Variants in SMAD2 observed in about 807,000 individuals in gnomAD.
SMAD2 encodes the protein MAD homolog 2.
In SMAD2, 8 loss-of-function variants were observed where a neutral mutation model predicts 64.4. That is an observed-to-expected ratio of 0.12 (90% CI 0.07 to 0.22). SMAD2 has a LOEUF of 0.22. Among genes scored for constraint, SMAD2 ranks in the 10% least tolerant of loss-of-function variants. The probability of loss-of-function intolerance (pLI) is 1.00; values close to 1 mark genes in which losing one functional copy is unlikely to be tolerated. For synonymous variants in SMAD2, 203 were observed against 195.8 expected (o/e 1.04, Z -0.31); for missense variants, 289 against 561.2 (o/e 0.51, Z 4.90).
chr18:47,852,086 C>T (rs2030157334), intron 6 of SMAD2, among the ~76,000 whole-genome samples: 1 of 152,088 alleles, frequency 6.6e-6, no homozygotes, highest in African/African-American at 2.4e-5. Context: ...AGTAGCTTTA[C>T]ACATGTTTAT....
chr18:47,930,049 G>C (rs960990808), intron 1 of SMAD2, among the ~76,000 whole-genome samples: 2 of 152,048 alleles, frequency 1.3e-5, no homozygotes, highest in Non-Finnish European at 2.9e-5. Flanking sequence ...CACAACTCCT[G>C]AAACAAGAGC....
At chr18:47,852,089 A>G (rs1018886308) in intron 6 of SMAD2, among the ~76,000 whole-genome samples, 5 of 150,992 alleles carry the variant, frequency 3.3e-5, no homozygotes, top group Non-Finnish European at 5.9e-5. Context: ...AGCTTTACAC[A>G]TGTTTATATT....
At chr18:47,902,680 A>G (rs1009680323) in intron 1 of SMAD2, among the ~76,000 whole-genome samples, 1 of 152,230 alleles carries the variant, frequency 6.6e-6, no homozygotes, top group African/African-American at 2.4e-5. Flanking sequence ...AGAAAGTTAC[A>G]ACAGAGCATC....
chr18:47,909,331 T>G (rs1353361979), intron 1 of SMAD2, among the ~76,000 whole-genome samples: 2 of 152,144 alleles, frequency 1.3e-5, no homozygotes, highest in African/African-American at 4.8e-5. Context: ...AAAAGATGGT[T>G]GAGAATTTAG....
intron 1 of SMAD2, among the ~76,000 whole-genome samples, chr18:47,921,482 T>C (rs1462520841): frequency 1.3e-5 from 2 of 152,170 alleles, no homozygotes; most frequent in Admixed American, 1.3e-4. Context: ...AATTCACTAT[T>C]CCACATGCAG....
intron 1 of SMAD2, among the ~76,000 whole-genome samples, chr18:47,926,816 G>C (rs2034786090): frequency 6.6e-6 from 1 of 152,168 alleles, no homozygotes; most frequent in African/African-American, 2.4e-5. Flanking sequence ...ACAACTACAA[G>C]AGAGGAAGAA....
chr18:47,881,132 T>C (rs1334549122), intron 2 of SMAD2, among the ~76,000 whole-genome samples: 1 of 152,210 alleles, frequency 6.6e-6, no homozygotes, highest in Admixed American at 6.5e-5. Flanking sequence ...CAATCCCCTC[T>C]AAAACATGCC....
At position 47,872,673 on chromosome 18, in the gene SMAD2, G is replaced by T. The variant is rs183461595; in HGVS notation, c.237-2109C>A. 8.1e-3 allele frequency among the ~76,000 whole-genome samples: 1,231 copies of T among 152,182 alleles called. 21 individuals carry two copies. Among genetic ancestry groups the T allele is most frequent in the Non-Finnish European group, 9.0e-3 (609 of 68,004 alleles). On this transcript the variant is annotated intron_variant, in intron 2 of 10. Transcript: ENST00000262160. ...TCAGCAGTGGCATTAGATTCTCATA[G>T]GAGCAAGAACCCTATTGTGAACTGC...
rs575766679 is a variant in SMAD2, at chr18:47,922,589, T to C, written c.-54+7772A>G. On this transcript the variant is annotated intron_variant, in intron 1 of 10. Transcript: ENST00000262160. ...TTCAGCGTTCTCATATTCTGGTGCTTGCAGGAGAGTCCCGGAACCAATCCT... is the reference window on the plus strand; with the variant it reads ...TTCAGCGTTCTCATATTCTGGTGCTCGCAGGAGAGTCCCGGAACCAATCCT... 12 of 152,082 alleles carry C rather than the reference T, an allele frequency of 7.9e-5. No individual in the cohort carries two copies. In the East Asian group the frequency reaches 2.3e-3, roughly 29 times the overall value. 9.4% of individuals were successfully genotyped at this position (152,082 alleles called of 1,614,324 possible). A position where few individuals can be genotyped will look rare whatever the true frequency, so the allele number is the denominator to read the frequency against.
intron 6 of SMAD2, among the ~76,000 whole-genome samples, chr18:47,856,897 G>A (rs1383334890): frequency 8.8e-5 from 11 of 125,536 alleles, no homozygotes; most frequent in Non-Finnish European, 1.6e-4. Context: ...TCGCTCTGTC[G>A]CCCAGGCTGG....
chr18:47,924,894 A>G (rs917386212), intron 1 of SMAD2, among the ~76,000 whole-genome samples: 8 of 152,244 alleles, frequency 5.3e-5, no homozygotes, highest in Non-Finnish European at 7.3e-5. Context: ...AATGTAGTTT[A>G]CTTTTAAACA....
rs1912711446 is a variant in SMAD2 at position 47,825,295 on chromosome 18, G to T, written c.*16532C>A. On this transcript the variant is annotated 3_prime_UTR_variant, in exon 11 of 11. Coordinates refer to ENST00000262160, the MANE Select transcript of SMAD2 (RefSeq NM_005901.6). ...ATGATGAGATTTTATCTTCATTGTG[G>T]TGGTGTTGAGAGCTGGGGCCTAGTG... 6.6e-6 allele frequency: 1 copy of T among 152,256 alleles called. No individual in the cohort carries two copies. The highest frequency in any genetic ancestry group is 1.5e-5 in the Non-Finnish European group (1 of 68,066). The allele number at this position is 152,256 out of a possible 1,614,324, so 9.4% of individuals were successfully genotyped here.
chr18:47,872,702 T>C (rs2032012042), intron 2 of SMAD2, among the ~76,000 whole-genome samples: 1 of 152,096 alleles, frequency 6.6e-6, no homozygotes. Flanking sequence ...GAACTGCACA[T>C]GCGAGGGCTT....
At chr18:47,857,242 G>C (rs1480591010) in intron 6 of SMAD2, among the ~76,000 whole-genome samples, 1 of 152,118 alleles carries the variant, frequency 6.6e-6, no homozygotes, top group African/African-American at 2.4e-5. Context: ...GTAGAAATAA[G>C]AGATTAAGCT....
chr18:47,814,497 G>C lies in SMAD2; in HGVS notation c.*27330C>G, dbSNP rs1367030455. The C allele has an allele frequency of 6.6e-6, 1 of 152,206 alleles. No homozygotes were observed. The highest frequency in any genetic ancestry group is 2.4e-5 in the African/African-American group (1 of 41,444). 9.4% of individuals were successfully genotyped at this position (152,206 alleles called of 1,614,324 possible). ...AAACTGAGAATACGATGTGAGAAGA[G>C]TCTCTTCATTAGGCAGGAGTGGAAT... On this transcript the variant is annotated 3_prime_UTR_variant, in exon 11 of 11. Transcript: ENST00000262160.
Position 47,840,155 on chromosome 18 carries a change from G to C in SMAD2, c.*1672C>G, listed in dbSNP as rs1425531737. ...ATATACACACAAATATAGGAAAATG[G>C]GGAGTACCCAATAGAAAACCACCAA... is the stretch of plus-strand genomic sequence containing the variant. On this transcript the variant is annotated 3_prime_UTR_variant, in exon 11 of 11. Transcript: ENST00000262160. The C allele has an allele frequency of 4.3e-6, 1 of 232,888 alleles. No homozygotes were observed. The highest frequency in any genetic ancestry group is 8.5e-6 in the Non-Finnish European group (1 of 117,912). The allele number at this position is 232,888 out of a possible 1,614,324, so 14.4% of individuals were successfully genotyped here.
At chr18:47,880,533 G>T (rs988851863) in intron 2 of SMAD2, among the ~76,000 whole-genome samples, 1 of 152,184 alleles carries the variant, frequency 6.6e-6, no homozygotes, top group Non-Finnish European at 1.5e-5. Context: ...GAGTCTTGAA[G>T]TCAGGGTAAT....
intron 1 of SMAD2, among the ~76,000 whole-genome samples, chr18:47,921,030 G>A (rs1031588461): frequency 9.9e-5 from 15 of 152,122 alleles, no homozygotes; most frequent in Non-Finnish European, 1.9e-4. Flanking sequence ...GTAGGCATGC[G>A]CCTGCAGTCC....
intron 2 of SMAD2, among the ~76,000 whole-genome samples, chr18:47,894,249 C>T (rs1204202005): frequency 6.6e-6 from 1 of 152,178 alleles, no homozygotes; most frequent in Admixed American, 6.5e-5. Flanking sequence ...TATCACACAG[C>T]TCCCTTCAAT....
Sources: gnomAD v4.1 joint callset for allele counts (sites outside exome capture counted in the v4.1 genomes callset) on GRCh38, gnomAD v4.1.1 for gene constraint, MANE v1.5 for transcripts, NCBI Gene and HGNC (gene_info 2026-07-23, HGNC 2026-07-21) for gene names.